The following LRRC36 variants were observed in gnomAD, a reference collection of about 807,000 sequenced individuals.
The protein encoded by LRRC36 is leucine-rich repeat-containing protein 36.
Under a neutral mutation model 81.1 loss-of-function variants are expected in LRRC36, and 62 were observed. The observed-to-expected ratio is 0.76, with a 90% CI of 0.62 to 0.94. The LOEUF (loss-of-function observed/expected upper bound fraction) is 0.94, where lower values mean the gene tolerates loss of function less well. Among genes scored for constraint, LRRC36 ranks in the 40% least tolerant of loss-of-function variants. The pLI is 0.00. For missense variants in LRRC36, 761 were observed against 881.7 expected (o/e 0.86, Z 1.73); for synonymous variants, 334 against 348.6 (o/e 0.96, Z 0.47).
chr16:67,367,294 T>C lies in LRRC36; in HGVS notation c.1032T>C (p.His344=), dbSNP rs1030621310. The change falls in exon 8 of 14, where the codon CAT becomes CAC. Residue 344 remains histidine, a synonymous_variant. Coordinates refer to ENST00000329956, the MANE Select transcript of LRRC36 (RefSeq NM_018296.6). ...GTTATTCTCAAACTCTATCCCTGCATGGAAGTCTTGGTAAAAGGCCTCAGA... is the reference window on the plus strand; with the variant it reads ...GTTATTCTCAAACTCTATCCCTGCACGGAAGTCTTGGTAAAAGGCCTCAGA... ...DSCYSQTLSL[H]GSLGKRPQRS... 3.1e-6 allele frequency: 5 copies of C among 1,614,066 alleles called. No homozygotes were observed. In the African/African-American group the frequency reaches 6.7e-5, roughly 22 times the overall value.
intron 1 of LRRC36, among the ~76,000 whole-genome samples, chr16:67,336,375 A>G (rs2037761854): frequency 6.6e-6 from 1 of 152,170 alleles, no homozygotes; most frequent in South Asian, 2.1e-4. Context: ...ACTTGTGTTT[A>G]GCTTTGCAAG....
chr16:67,333,380 C>T (rs1166959365), intron 1 of LRRC36, among the ~76,000 whole-genome samples: 2 of 152,142 alleles, frequency 1.3e-5, no homozygotes, highest in African/African-American at 4.8e-5. Flanking sequence ...GATCCACCTG[C>T]CTCCGCCTCC....
chr16:67,360,326 G>GGGATTTGAACCA (rs1464480216), intron 5 of LRRC36, among the ~76,000 whole-genome samples: 1 of 152,110 alleles, frequency 6.6e-6, no homozygotes, highest in Non-Finnish European at 1.5e-5. Context: ...CAGGCGGTAG[G>GGGATTTGAACCA]GGATTTGAAC....
At chr16:67,368,894 G>A (rs955946517) in intron 8 of LRRC36, among the ~76,000 whole-genome samples, 2 of 152,076 alleles carry the variant, frequency 1.3e-5, no homozygotes, top group African/African-American at 4.8e-5. Context: ...GGAGAAAGAG[G>A]GTCAATGGTA....
intron 1 of LRRC36, among the ~76,000 whole-genome samples, chr16:67,331,276 C>T (rs751267066): frequency 1.3e-5 from 2 of 152,120 alleles, no homozygotes; most frequent in East Asian, 1.9e-4. Flanking sequence ...GGCATGGCGG[C>T]TTACACACTT....
intron 5 of LRRC36, among the ~76,000 whole-genome samples, chr16:67,351,256 ACT>A (rs375805850): frequency 2.9e-4 from 44 of 152,262 alleles, no homozygotes; most frequent in Middle Eastern, 3.4e-3. Flanking sequence ...TTATACACAA[ACT>A]CTAAACATCA....
intron 5 of LRRC36, among the ~76,000 whole-genome samples, chr16:67,351,529 A>G (rs1013428951): frequency 1.3e-5 from 2 of 152,184 alleles, no homozygotes; most frequent in African/African-American, 4.8e-5. Context: ...CAACATGGCA[A>G]AACCCCATCT....
At chr16:67,330,575 C>G (rs2037433514) in intron 1 of LRRC36, among the ~76,000 whole-genome samples, 1 of 152,028 alleles carries the variant, frequency 6.6e-6, no homozygotes, top group Non-Finnish European at 1.5e-5. Flanking sequence ...AAATATATGT[C>G]TTAGGGCTGG....
At chr16:67,346,688 C>T (rs1393896898) in intron 3 of LRRC36, among the ~76,000 whole-genome samples, 1 of 152,096 alleles carries the variant, frequency 6.6e-6, no homozygotes, top group Non-Finnish European at 1.5e-5. Context: ...GATGGTTTCA[C>T]CGCCCCTTCC....
intron 5 of LRRC36, among the ~76,000 whole-genome samples, chr16:67,362,758 TTTTTTG>T (rs2039213636): frequency 6.9e-6 from 1 of 144,786 alleles, no homozygotes; most frequent in African/African-American, 2.9e-5. Flanking sequence ...TCTCTCTCTT[TTTTTTG>T]TTTTTGTTGT....
At chr16:67,361,756 G>A (rs913492768) in intron 5 of LRRC36, among the ~76,000 whole-genome samples, 4 of 151,802 alleles carry the variant, frequency 2.6e-5, no homozygotes, top group Admixed American at 2.0e-4. Flanking sequence ...TAGTAGAGAC[G>A]GAGTTTCACC....
chr16:67,342,762 C>T (rs1214402198), intron 2 of LRRC36, among the ~76,000 whole-genome samples: 2 of 152,214 alleles, frequency 1.3e-5, no homozygotes, highest in African/African-American at 4.8e-5. Flanking sequence ...TTTGCCCAAG[C>T]TCTGCACCTG....
intron 1 of LRRC36, among the ~76,000 whole-genome samples, chr16:67,340,136 C>T (rs1377813585): frequency 6.6e-6 from 1 of 151,808 alleles, no homozygotes; most frequent in African/African-American, 2.4e-5. Context: ...GAGTGAGATT[C>T]CATCTCAATA....
chr16:67,372,687 A>C (rs541596429), intron 9 of LRRC36, among the ~76,000 whole-genome samples: 1 of 152,232 alleles, frequency 6.6e-6, no homozygotes, highest in Non-Finnish European at 1.5e-5. Context: ...TTGGTCAAAA[A>C]CAGCCATTTC....
rs1008617625 is a variant in LRRC36, at chr16:67,376,890, C to A, written c.1806+18C>A. The A allele has an allele frequency of 1.9e-6, 3 of 1,596,886 alleles. No homozygotes were observed. Among genetic ancestry groups the A allele is most frequent in the Non-Finnish European group, 2.6e-6 (3 of 1,167,164 alleles). On this transcript the variant is annotated intron_variant, in intron 11 of 13. Coordinates refer to ENST00000329956, the MANE Select transcript of LRRC36 (RefSeq NM_018296.6). ...ATGACATGGTATGCCCCTCTCATCT[C>A]CCTTTAGAAAAGGACAGAGCAGCAG...
chr16:67,374,896 C>T (rs537359727), intron 9 of LRRC36, among the ~76,000 whole-genome samples: 171 of 151,984 alleles, frequency 1.1e-3, no homozygotes, highest in South Asian at 1.9e-3. Flanking sequence ...CTTTGGGAAG[C>T]TGAGGCGGGA....
chr16:67,382,945 T>C (rs2040165706), intron 13 of LRRC36, among the ~76,000 whole-genome samples: 1 of 151,958 alleles, frequency 6.6e-6, no homozygotes, highest in Non-Finnish European at 1.5e-5. Flanking sequence ...TTAAGGCGCG[T>C]GCCTGTAGTC....
intron 8 of LRRC36, among the ~76,000 whole-genome samples, chr16:67,370,718 G>A (rs1338045526): frequency 6.6e-6 from 1 of 152,036 alleles, no homozygotes; most frequent in Non-Finnish European, 1.5e-5. Context: ...AGTGAGAAAG[G>A]TCAGAACAGA....
chr16:67,334,799 A>C (rs1411039994), intron 1 of LRRC36, among the ~76,000 whole-genome samples: 1 of 152,110 alleles, frequency 6.6e-6, no homozygotes, highest in Non-Finnish European at 1.5e-5. Flanking sequence ...CCTGAGAAAT[A>C]AAGGGACAGA....
Sources: allele counts gnomAD v4.1 joint callset (sites outside exome capture counted in the v4.1 genomes callset), GRCh38; gene constraint gnomAD v4.1.1; transcripts MANE v1.5; gene names NCBI Gene and HGNC (gene_info 2026-07-23, HGNC 2026-07-21).